The following ZNF462 variants were observed in gnomAD, a reference collection of about 807,000 sequenced individuals.
ZNF462 encodes the protein zinc finger PBX1-interacting protein.
A neutral mutation model predicts 201.9 loss-of-function variants in ZNF462; 10 were observed. That is an observed-to-expected ratio of 0.05 (90% CI 0.03 to 0.08). The LOEUF is 0.08. Ranked by LOEUF, ZNF462 falls within the 10% of genes least tolerant of loss-of-function variation. The pLI, the probability that ZNF462 is intolerant of heterozygous loss-of-function variation, is 1.00. For synonymous variants in ZNF462, 1,227 were observed against 1,193.3 expected, an observed-to-expected ratio of 1.03 and a Z score of -0.58; for missense variants, 2,523 against 3,168.3, an observed-to-expected ratio of 0.80 and a Z score of 4.89.
intron 1 of ZNF462, among the ~76,000 whole-genome samples, chr9:106,901,582 A>T (rs547055226): frequency 4.3e-4 from 65 of 152,072 alleles, no homozygotes; most frequent in Non-Finnish European, 6.6e-4. Flanking sequence ...TGTGTCATCT[A>T]TAATTTCTTT....
chr9:106,966,829 A>G lies in ZNF462; in HGVS notation c.6428-5176A>G, dbSNP rs2131973759. ...TTTTCTTGGTACTTGATTCACACTG[A>G]CCAACAAGCCTGTCTTCCAAGTCTG... On this transcript the variant is annotated intron_variant, in intron 7 of 12. Coordinates refer to ENST00000277225, the MANE Select transcript of ZNF462 (RefSeq NM_021224.6). This position sits in a 1 kb window ranked among gnomAD's most constrained non-coding sequence, Gnocchi z 4.4. Among the ~76,000 whole-genome samples, 1 of 152,246 alleles carries G rather than the reference A, an allele frequency of 6.6e-6. No individual in the cohort carries two copies. The highest frequency in any genetic ancestry group is 3.4e-3 in the Middle Eastern group (1 of 294).
At chr9:106,861,974 G>C (rs7863663), upstream of ZNF462, among the ~76,000 whole-genome samples, 1 of 151,900 alleles carries the variant, frequency 6.6e-6, no homozygotes, top group Admixed American at 6.6e-5. Flanking sequence ...TTAAGCAGGC[G>C]TTCTTTTTTT....
Position 106,924,151 on chromosome 9 carries a change from T to G in ZNF462, c.239T>G (p.Leu80Trp). Residue 80 changes from leucine to tryptophan, a missense_variant, in exon 3 of 13, where the codon TTG becomes TGG. Transcript: ENST00000277225. The surrounding 1 kb of genome is among the most constrained non-coding windows in gnomAD (Gnocchi z 6.2). Reference protein sequence around the residue: ...EDLSGQNATSLGTGGYYGHSP... With the variant: ...EDLSGQNATSWGTGGYYGHSP... ...TCTTTAGGTCAAAATGCAACTTCAT[T>G]GGGGACCGGAGGTTACTATGGCCAC... The G allele has an allele frequency of 1.3e-6, 2 of 1,597,340 alleles. No homozygotes were observed. The highest frequency in any genetic ancestry group is 1.1e-5 in the South Asian group (1 of 87,288).
rs552693018 is a variant in ZNF462, at chr9:106,890,615, C to T, written c.-31+27260C>T. On this transcript the variant is annotated intron_variant, in intron 1 of 12. Coordinates refer to ENST00000277225, the MANE Select transcript of ZNF462 (RefSeq NM_021224.6). The surrounding 1 kb of genome is among the most constrained non-coding windows in gnomAD (Gnocchi z 4.2). ...ATGATGATGCACTTAGGCTTACCTTCGTAATATGGGTAAATGTCTCAGGTT... is the reference window on the plus strand; with the variant it reads ...ATGATGATGCACTTAGGCTTACCTTTGTAATATGGGTAAATGTCTCAGGTT... Among the ~76,000 whole-genome samples the T allele has an allele frequency of 2.9e-4, 44 of 152,272 alleles. No homozygotes were observed. The highest frequency in any genetic ancestry group is 9.4e-4 in the African/African-American group (39 of 41,546).
At chr9:106,959,835 T>G (rs1294376255) in intron 7 of ZNF462, among the ~76,000 whole-genome samples, 3 of 152,038 alleles carry the variant, frequency 2.0e-5, no homozygotes, top group Admixed American at 6.6e-5. Flanking sequence ...CCCTCCAGCT[T>G]CTTGGAAATT....
In ZNF462 at chr9:106,939,019, C is replaced by T. The variant is rs375804965; in HGVS notation, c.6339C>T (p.Pro2113=). Residue 2113 remains proline, a synonymous_variant, in exon 7 of 13, where the codon CCC becomes CCT. Transcript: ENST00000277225. The part of the protein sequence containing the change: ...LKVHGKALTL[P]RPRIVSLLSS... ...TCCACGGAAAAGCCCTGACCCTCCC[C>T]AGGCCACGGATCGTCAGTCTCCTCT... 76 of 1,613,942 alleles carry T rather than the reference C, an allele frequency of 4.7e-5. No homozygotes were observed. Among genetic ancestry groups the T allele is most frequent in the Non-Finnish European group, 5.8e-5 (69 of 1,179,984 alleles).
In ZNF462 at chr9:106,926,822, G is replaced by A. The variant is rs770832401; in HGVS notation, c.2910G>A (p.Leu970=). Residue 970 remains leucine, a synonymous_variant, in exon 3 of 13, where the codon CTG becomes CTA. Coordinates refer to ENST00000277225, the MANE Select transcript of ZNF462 (RefSeq NM_021224.6). The surrounding 1 kb of genome is among the most constrained non-coding windows in gnomAD (Gnocchi z 7.9). ...ATGTCGTGGAGCAGCAGGAAGGGCT[G>A]AATACAGAATCCCAGACCCTGAGGG... ...SSYVVEQQEG[L]NTESQTLREI... The A allele has an allele frequency of 2.2e-5, 36 of 1,614,036 alleles. No homozygotes were observed. Among genetic ancestry groups the A allele is most frequent in the Non-Finnish European group, 2.9e-5 (34 of 1,180,046 alleles).
chr9:107,003,997 G>A lies in ZNF462; in HGVS notation c.7189+571G>A, dbSNP rs1473850884. The stretch of plus-strand genomic sequence containing the variant: ...ACTATGTATTTACAGAATACACTGG[G>A]GAAGGTTTTGTGGGACTTTGGTACT... On this transcript the variant is annotated intron_variant, in intron 11 of 12. Coordinates refer to ENST00000277225, the MANE Select transcript of ZNF462 (RefSeq NM_021224.6). This position sits in a 1 kb window ranked among gnomAD's most constrained non-coding sequence, Gnocchi z 4.4. 6.6e-6 allele frequency among the ~76,000 whole-genome samples: 1 copy of A among 152,088 alleles called. No homozygotes were observed. Among genetic ancestry groups the A allele is most frequent in the Non-Finnish European group, 1.5e-5 (1 of 68,020 alleles).
chr9:106,969,510 A>G (rs1826476857), intron 7 of ZNF462, among the ~76,000 whole-genome samples: 1 of 152,162 alleles, frequency 6.6e-6, no homozygotes, highest in Non-Finnish European at 1.5e-5. Flanking sequence ...AGATCAGTGC[A>G]TGTGTTGAGT....
At position 106,924,492 on chromosome 9, in the gene ZNF462, G is replaced by T; in HGVS notation, c.580G>T (p.Ala194Ser). 3.1e-6 allele frequency: 5 copies of T among 1,614,066 alleles called. No homozygotes were observed. Among genetic ancestry groups the T allele is most frequent in the South Asian group, 1.1e-5 (1 of 91,046 alleles). The change falls in exon 3 of 13, where the codon GCT (alanine) becomes TCT (serine). Residue 194 changes from alanine to serine, a missense_variant. Ala to Ser is a moderately conservative substitution (Grantham distance 99). Around this residue, in one of 15 missense-constraint regions of ZNF462, gnomAD observed 480 missense variants for 544.4 expected, o/e 0.88. Transcript: ENST00000277225. The surrounding 1 kb of genome is among the most constrained non-coding windows in gnomAD (Gnocchi z 6.2). Reference sequence around the variant, plus strand: ...CAAAAACAATTTGAAGGAGACCACTGCTCCCCCACCTGCTCCTGCTCCAAT... The same window carrying T: ...CAAAAACAATTTGAAGGAGACCACTTCTCCCCCACCTGCTCCTGCTCCAAT... ...YHKNNLKETT[A>S]PPPAPAPMPD...
intron 7 of ZNF462, among the ~76,000 whole-genome samples, chr9:106,949,098 T>C (rs1831231953): frequency 6.6e-6 from 1 of 152,188 alleles, no homozygotes; most frequent in Non-Finnish European, 1.5e-5. Context: ...TTCAGAGTAA[T>C]GGGCTAGAAA....
In ZNF462 at chr9:106,913,054, C is replaced by G. The variant is rs1358186518; in HGVS notation, c.-30-10300C>G. 6.6e-6 allele frequency among the ~76,000 whole-genome samples: 1 copy of G among 152,132 alleles called. No homozygotes were observed. Among genetic ancestry groups the G allele is most frequent in the Non-Finnish European group, 1.5e-5 (1 of 68,024 alleles). On this transcript the variant is annotated intron_variant, in intron 1 of 12. Transcript: ENST00000277225. The surrounding 1 kb of genome is among the most constrained non-coding windows in gnomAD (Gnocchi z 4.1). ...CAGGTGATGACTCCAGGTGTCACAT[C>G]AGTTCAGGGTAGCTTAGCGGTGTTA...
Position 107,007,703 on chromosome 9 carries a change from G to A in ZNF462, c.7190-1842G>A, listed in dbSNP as rs189664457. Among the ~76,000 whole-genome samples, 36 of 152,216 alleles carry A rather than the reference G, an allele frequency of 2.4e-4. No homozygotes were observed. In the East Asian group the frequency reaches 6.4e-3, roughly 27 times the overall value. The stretch of plus-strand genomic sequence containing the variant: ...AAAAAGAAATACACACAATAGCCTC[G>A]GGTGTTTCTGCTAGACATCCCAGCT... On this transcript the variant is annotated intron_variant, in intron 11 of 12. Coordinates refer to ENST00000277225, the MANE Select transcript of ZNF462 (RefSeq NM_021224.6).
At position 106,920,865 on chromosome 9, in the gene ZNF462, C is replaced by T. The variant is rs1829962643; in HGVS notation, c.-30-2489C>T. 6.6e-6 allele frequency among the ~76,000 whole-genome samples: 1 copy of T among 152,164 alleles called. No homozygotes were observed. Among genetic ancestry groups the T allele is most frequent in the Non-Finnish European group, 1.5e-5 (1 of 68,028 alleles). On this transcript the variant is annotated intron_variant, in intron 1 of 12. Transcript: ENST00000277225. The surrounding 1 kb of genome is among the most constrained non-coding windows in gnomAD (Gnocchi z 4.3). ...CTGTTGATGTTGTGCAAATCAGGCT[C>T]AAACTTTCCAAAAGACACACAGCAG...
intron 10 of ZNF462, among the ~76,000 whole-genome samples, chr9:106,991,100 G>A (rs1312490684): frequency 6.6e-6 from 1 of 151,876 alleles, no homozygotes; most frequent in African/African-American, 2.4e-5. Flanking sequence ...CATGAGAATT[G>A]GAAAGGAAGA....
At chr9:106,911,332 G>C (rs1264660071) in intron 1 of ZNF462, among the ~76,000 whole-genome samples, 1 of 152,122 alleles carries the variant, frequency 6.6e-6, no homozygotes, top group Non-Finnish European at 1.5e-5. Flanking sequence ...CATCCAGTCG[G>C]CAGCATTTTA....
In ZNF462 at chr9:106,863,242, C is replaced by T. The variant is rs866280021; in HGVS notation, c.-144C>T. The T allele has an allele frequency of 2.5e-6, 1 of 399,114 alleles. No individual in the cohort carries two copies. The allele number at this position is 399,114 out of a possible 1,614,324, so 24.7% of individuals were successfully genotyped here. A position where few individuals can be genotyped will look rare whatever the true frequency, so the allele number is the denominator to read the frequency against. ...GACCCGGCAGAAGCACATGAGACTC[C>T]CAAACAACTTCCACAACAATAACCC... On this transcript the variant is annotated 5_prime_UTR_variant, in exon 1 of 13. Transcript: ENST00000277225.
At chr9:106,942,609 G>A (rs935113350) in intron 7 of ZNF462, among the ~76,000 whole-genome samples, 1 of 152,208 alleles carries the variant, frequency 6.6e-6, no homozygotes, top group African/African-American at 2.4e-5. Context: ...GCTCTGCTGT[G>A]TTTGTGTTTA....
chr9:106,909,997 T>C (rs1425678634), intron 1 of ZNF462, among the ~76,000 whole-genome samples: 4 of 152,232 alleles, frequency 2.6e-5, no homozygotes, highest in Non-Finnish European at 5.9e-5. Flanking sequence ...AACCTTCTTA[T>C]CTGTCATCTT....
Sources: allele counts gnomAD v4.1 joint callset (sites outside exome capture counted in the v4.1 genomes callset), GRCh38; gene constraint gnomAD v4.1.1; regional missense constraint gnomAD v4.1.1; non-coding constraint Gnocchi (gnomAD v3.1); transcripts MANE v1.5; gene names NCBI Gene and HGNC (gene_info 2026-07-23, HGNC 2026-07-21).